Variants in HMGA2 observed in about 807,000 individuals in gnomAD.
The protein encoded by HMGA2 is high mobility group AT-hook 2.
Under a neutral mutation model 19.1 loss-of-function variants are expected in HMGA2, and 8 were observed. That is an observed-to-expected ratio of 0.42 (90% CI 0.25 to 0.76). HMGA2 has a LOEUF of 0.76. HMGA2 is among the 30% of genes least tolerant of loss of function. HMGA2 has a pLI of 0.28. For synonymous variants in HMGA2, 60 were observed against 48.8 expected (o/e 1.23, Z -0.96); for missense variants, 109 against 136.3 (o/e 0.80, Z 1.00).
intron 3 of HMGA2, among the ~76,000 whole-genome samples, chr12:65,886,453 A>G (rs1187510474): frequency 6.7e-6 from 1 of 150,162 alleles, no homozygotes; most frequent in Non-Finnish European, 1.5e-5. Flanking sequence ...TCTACCTCCC[A>G]GGTTCAAGCG....
chr12:65,856,745 G>A (rs966543131), intron 3 of HMGA2: 35 of 152,420 alleles, frequency 2.3e-4, no homozygotes, highest in African/African-American at 8.2e-4. Flanking sequence ...TTCACTTCTG[G>A]TGCTGTTGGT....
At chr12:65,849,809 C>T (rs1324117277) in intron 3 of HMGA2, among the ~76,000 whole-genome samples, 1 of 136,132 alleles carries the variant, frequency 7.3e-6, no homozygotes, top group East Asian at 2.0e-4. Flanking sequence ...ACCTCCGCCT[C>T]CCGGGTTCAG....
chr12:65,887,580 G>T (rs1447911771), intron 3 of HMGA2, among the ~76,000 whole-genome samples: 3 of 152,004 alleles, frequency 2.0e-5, no homozygotes, highest in Non-Finnish European at 4.4e-5. Context: ...AAAATTGGCT[G>T]GGCATGGTGG....
chr12:65,896,246 G>A (rs749310549), intron 3 of HMGA2, among the ~76,000 whole-genome samples: 61 of 152,066 alleles, frequency 4.0e-4, no homozygotes, highest in Non-Finnish European at 8.1e-4. Context: ...CCAGAATACC[G>A]CCCAACTGCC....
intron 3 of HMGA2, among the ~76,000 whole-genome samples, chr12:65,848,873 A>AG (rs1410839854): frequency 6.6e-6 from 1 of 152,346 alleles, no homozygotes; most frequent in East Asian, 1.9e-4. Context: ...AAAAAAAAAA[A>AG]AAGTTTAAGC....
chr12:65,836,029 T>A (rs1870702496), intron 2 of HMGA2, among the ~76,000 whole-genome samples: 1 of 152,152 alleles, frequency 6.6e-6, no homozygotes, highest in African/African-American at 2.4e-5. Flanking sequence ...AAAGCCTCAT[T>A]CTAAAGGTGA....
At chr12:65,886,885 C>T (rs1873680993) in intron 3 of HMGA2, among the ~76,000 whole-genome samples, 1 of 152,202 alleles carries the variant, frequency 6.6e-6, no homozygotes, top group Non-Finnish European at 1.5e-5. Context: ...TTTCAAGGCA[C>T]AGTCTATAGA....
chr12:65,880,952 C>A (rs1350806717), intron 3 of HMGA2, among the ~76,000 whole-genome samples: 1 of 152,122 alleles, frequency 6.6e-6, no homozygotes, highest in African/African-American at 2.4e-5. Context: ...CATAAAACCA[C>A]TCGTAAATAT....
chr12:65,886,652 C>T (rs1005533592), intron 3 of HMGA2, among the ~76,000 whole-genome samples: 6 of 151,428 alleles, frequency 4.0e-5, no homozygotes, highest in East Asian at 2.0e-4. Context: ...ACACAACGCC[C>T]GGCGGGGAGC....
intron 3 of HMGA2, among the ~76,000 whole-genome samples, chr12:65,845,158 C>T (rs1258378689): frequency 6.6e-6 from 1 of 151,994 alleles, no homozygotes; most frequent in Non-Finnish European, 1.5e-5. Context: ...ATTAATATGC[C>T]ACGTTTTTTT....
intron 3 of HMGA2, among the ~76,000 whole-genome samples, chr12:65,896,465 T>C (rs892541123): frequency 2.0e-5 from 3 of 152,218 alleles, no homozygotes; most frequent in Non-Finnish European, 4.4e-5. Context: ...CTGGGTAACA[T>C]TACCAGAGGG....
intron 3 of HMGA2, among the ~76,000 whole-genome samples, chr12:65,938,159 C>A (rs563159035): frequency 6.6e-6 from 1 of 152,200 alleles, no homozygotes; most frequent in South Asian, 2.1e-4. Flanking sequence ...AATGGCTGTA[C>A]CCATTTTTTG....
chr12:65,889,474 C>T (rs1052955972), intron 3 of HMGA2, among the ~76,000 whole-genome samples: 1 of 151,640 alleles, frequency 6.6e-6, no homozygotes, highest in Admixed American at 6.6e-5. Flanking sequence ...GTATATATAC[C>T]CACAGATTTT....
Position 65,825,040 on chromosome 12 carries a change from C to T in HMGA2, c.-231C>T. 1 of 449,190 alleles carries T rather than the reference C, an allele frequency of 2.2e-6. No individual in the cohort carries two copies. Among genetic ancestry groups the T allele is most frequent in the South Asian group, 3.7e-5 (1 of 26,928 alleles). 27.8% of individuals were successfully genotyped at this position (449,190 alleles called of 1,614,324 possible). On this transcript the variant is annotated 5_prime_UTR_variant, in exon 1 of 5. Coordinates refer to ENST00000403681, the MANE Select transcript of HMGA2 (RefSeq NM_003483.6). This position sits in a 1 kb window ranked among gnomAD's most constrained non-coding sequence, Gnocchi z 4.4. The stretch of plus-strand genomic sequence containing the variant: ...CCGCCGCCGCCACCGGCAGCGCCTC[C>T]TCCTCTCCTCCTCCTCCTCCCCTCT...
chr12:65,828,173 A>C, intron 2 of HMGA2, 86 bp downstream of exon 2: 2 of 988,674 alleles, frequency 2.0e-6, no homozygotes, highest in Non-Finnish European at 3.3e-6. Flanking sequence ...CTAACTCCGC[A>C]GCCAGGAATT....
intron 3 of HMGA2, among the ~76,000 whole-genome samples, chr12:65,903,246 T>C (rs1233137351): frequency 6.6e-6 from 1 of 152,214 alleles, no homozygotes; most frequent in Non-Finnish European, 1.5e-5. Context: ...CTTTGCTGAT[T>C]GAAAAGACTG....
At chr12:65,916,368 C>G (rs888114556) in intron 3 of HMGA2, among the ~76,000 whole-genome samples, 1 of 152,216 alleles carries the variant, frequency 6.6e-6, no homozygotes, top group African/African-American at 2.4e-5. Context: ...GCATGATGTA[C>G]TGGACTGCAG....
chr12:65,930,654 A>G (rs1875677080), intron 3 of HMGA2, among the ~76,000 whole-genome samples: 1 of 152,218 alleles, frequency 6.6e-6, no homozygotes, highest in Non-Finnish European at 1.5e-5. Flanking sequence ...AATGCATTAC[A>G]AAGTGGAAAT....
At chr12:65,883,095 C>A (rs1290076740) in intron 3 of HMGA2, among the ~76,000 whole-genome samples, 8 of 152,182 alleles carry the variant, frequency 5.3e-5, no homozygotes, top group Non-Finnish European at 8.8e-5. Context: ...TGAACCTTCC[C>A]AACAGAGTTT....
Sources: allele counts gnomAD v4.1 joint callset (sites outside exome capture counted in the v4.1 genomes callset), GRCh38; gene constraint gnomAD v4.1.1; non-coding constraint Gnocchi (gnomAD v3.1); transcripts MANE v1.5; gene names NCBI Gene and HGNC (gene_info 2026-07-23, HGNC 2026-07-21).